Variants in KLRG1 observed in about 807,000 individuals in gnomAD.
KLRG1 encodes the protein killer cell lectin-like receptor subfamily G member 1.
A neutral mutation model predicts 21.8 loss-of-function variants in KLRG1; 16 were observed. That is an observed-to-expected ratio of 0.73 (90% CI 0.50 to 1.11). The LOEUF is 1.11. Among genes scored for constraint, KLRG1 ranks in the 50% most tolerant of loss-of-function variants. KLRG1 has a pLI of 0.00. For missense variants in KLRG1, 173 were observed against 218.3 expected (o/e 0.79, Z 1.31); for synonymous variants, 69 against 75.9 (o/e 0.91, Z 0.47).
At chr12:9,118,970 G>A in the KLRG1 span, among the ~76,000 whole-genome samples, 49 of 152,316 alleles carry the variant, frequency 3.2e-4, 1 homozygote, top group African/African-American at 1.1e-3. Flanking sequence ...TCTAGGCAAT[G>A]GGCAGGAGCA....
At chr12:8,981,486 TA>T (rs1393142760) in intron 1 of KLRG1, among the ~76,000 whole-genome samples, 5 of 152,224 alleles carry the variant, frequency 3.3e-5, no homozygotes, top group Non-Finnish European at 7.4e-5. Flanking sequence ...TTTTAACGTT[TA>T]AAATTATTTT....
At chr12:9,113,327 AC>A in the KLRG1 span, 2 of 1,608,204 alleles carry the variant, frequency 1.2e-6, no homozygotes, top group Middle Eastern at 1.7e-4. Flanking sequence ...GACTAAAAGA[AC>A]CAAGTATATT....
the KLRG1 span, chr12:9,153,081 C>T: frequency 1.9e-6 from 3 of 1,607,714 alleles, no homozygotes; most frequent in Non-Finnish European, 2.6e-6. Flanking sequence ...TTTCAATTGG[C>T]AAGTTTAAAG....
chr12:9,207,377 G>A, the KLRG1 span, among the ~76,000 whole-genome samples: 2 of 152,342 alleles, frequency 1.3e-5, no homozygotes, highest in South Asian at 4.1e-4. Flanking sequence ...TGGAAGAAAT[G>A]TAAAGGCAGC....
At chr12:8,971,132 C>T (rs1405134344) in intron 1 of KLRG1, 1 of 152,056 alleles carries the variant, frequency 6.6e-6, no homozygotes, top group Non-Finnish European at 1.5e-5. Context: ...AGTGTACTTA[C>T]ATTTTCTACT....
the KLRG1 span, chr12:9,161,036 GA>G: frequency 1.9e-6 from 3 of 1,581,172 alleles, no homozygotes; most frequent in Non-Finnish European, 2.6e-6. Flanking sequence ...GACTCACCCA[GA>G]ACTGAGAAAG....
At chr12:9,067,329 A>G in the KLRG1 span, 1 of 210,328 alleles carries the variant, frequency 4.8e-6, no homozygotes, top group Non-Finnish European at 9.6e-6. Context: ...CATCACTCCC[A>G]ATTCAGGTCA....
chr12:9,030,309 T>C, the KLRG1 span, among the ~76,000 whole-genome samples: 9 of 152,330 alleles, frequency 5.9e-5, 1 homozygote, highest in Middle Eastern at 6.8e-3. Flanking sequence ...GTACATAATA[T>C]AAAGTTTATC....
chr12:9,098,073 A>AT, the KLRG1 span, among the ~76,000 whole-genome samples: 4 of 152,194 alleles, frequency 2.6e-5, no homozygotes, highest in African/African-American at 7.2e-5. Flanking sequence ...GAGCTCTGGG[A>AT]TTTTAAGGAC....
chr12:9,113,305 C>T, the KLRG1 span: 1 of 1,570,008 alleles, frequency 6.4e-7, no homozygotes, highest in South Asian at 1.2e-5. Flanking sequence ...AATACTAGAT[C>T]CCTATGACCC....
At chr12:9,182,056 C>G in the KLRG1 span, 6 of 1,613,856 alleles carry the variant, frequency 3.7e-6, no homozygotes, top group Non-Finnish European at 4.2e-6. Flanking sequence ...CAAAGATGAA[C>G]ATTCGTGCAA....
chr12:9,212,941 G>A, the KLRG1 span, among the ~76,000 whole-genome samples: 3 of 152,086 alleles, frequency 2.0e-5, no homozygotes, highest in Admixed American at 6.6e-5. Flanking sequence ...ATACATGTTA[G>A]TAGTCACTTC....
the KLRG1 span, among the ~76,000 whole-genome samples, chr12:9,178,486 C>T: frequency 6.6e-6 from 1 of 152,130 alleles, no homozygotes; most frequent in Non-Finnish European, 1.5e-5. Flanking sequence ...CCGTAAAGTG[C>T]TTCCTTTAGG....
At chr12:9,133,356 C>G in the KLRG1 span, among the ~76,000 whole-genome samples, 1,813 of 152,230 alleles carry the variant, frequency 0.012, 38 homozygotes, top group African/African-American at 0.041. Flanking sequence ...ATTATTTAGT[C>G]AGTTCACAAG....
chr12:9,153,874 T>C, the KLRG1 span, among the ~76,000 whole-genome samples: 1 of 152,234 alleles, frequency 6.6e-6, no homozygotes, highest in Non-Finnish European at 1.5e-5. Flanking sequence ...ACTCTGGGTG[T>C]TTAATACAAT....
the KLRG1 span, among the ~76,000 whole-genome samples, chr12:9,030,704 C>T: frequency 6.6e-6 from 1 of 152,132 alleles, no homozygotes; most frequent in Non-Finnish European, 1.5e-5. Context: ...CTGTGCCCAG[C>T]CTAAAGGAAC....
the KLRG1 span, among the ~76,000 whole-genome samples, chr12:9,054,862 A>G: frequency 0.016 from 2,446 of 152,298 alleles, 64 homozygotes; most frequent in African/African-American, 0.056. Flanking sequence ...TGCTGAAGTG[A>G]TGCTAGGAGG....
chr12:9,033,997 T>C, the KLRG1 span, among the ~76,000 whole-genome samples: 1 of 152,194 alleles, frequency 6.6e-6, no homozygotes, highest in Non-Finnish European at 1.5e-5. Flanking sequence ...AATGATGCAG[T>C]GCAGAAATTC....
the KLRG1 span, among the ~76,000 whole-genome samples, chr12:9,050,298 C>T: frequency 6.6e-6 from 1 of 152,246 alleles, no homozygotes; most frequent in Admixed American, 6.5e-5. Context: ...CCACCTGTCT[C>T]TCTCACACTA....
Sources: allele counts gnomAD v4.1 joint callset (sites outside exome capture counted in the v4.1 genomes callset), GRCh38; gene constraint gnomAD v4.1.1; transcripts MANE v1.5; gene names NCBI Gene and HGNC (gene_info 2026-07-23, HGNC 2026-07-21).